The following PTPRT variants were observed in gnomAD, a reference collection of about 807,000 sequenced individuals.
PTPRT encodes the protein protein tyrosine phosphatase receptor type T.
In PTPRT, 56 loss-of-function variants were observed where a neutral mutation model predicts 176.8. That is an observed-to-expected ratio of 0.32 (90% CI 0.26 to 0.40). PTPRT has a LOEUF of 0.40. Ranked by LOEUF, PTPRT falls within the 10% of genes least tolerant of loss-of-function variation. The pLI is 1.00. For synonymous variants in PTPRT, 783 were observed against 739.0 expected (o/e 1.06, Z -0.96); for missense variants, 1,540 against 1,908.2 (o/e 0.81, Z 3.60).
chr20:42,649,895 C>A (rs780845930), intron 7 of PTPRT, among the ~76,000 whole-genome samples: 1 of 152,086 alleles, frequency 6.6e-6, no homozygotes, highest in Non-Finnish European at 1.5e-5. Context: ...GCTTACTTGC[C>A]TCAGGTCTAT....
At chr20:42,936,853 G>A (rs952621926) in intron 1 of PTPRT, among the ~76,000 whole-genome samples, 14 of 152,192 alleles carry the variant, frequency 9.2e-5, no homozygotes, top group African/African-American at 1.7e-4. Context: ...TTGAAGATTC[G>A]TTTAATTCTA....
chr20:43,061,172 A>G (rs1987447027), intron 1 of PTPRT, among the ~76,000 whole-genome samples: 1 of 152,068 alleles, frequency 6.6e-6, no homozygotes. Flanking sequence ...AGCATTCCAC[A>G]AGTATTTCTG....
At chr20:42,467,685 T>C (rs2071123080) in intron 8 of PTPRT, among the ~76,000 whole-genome samples, 1 of 152,218 alleles carries the variant, frequency 6.6e-6, no homozygotes. Flanking sequence ...ATTGTATGTA[T>C]TCATAAATAT....
chr20:43,011,511 G>A (rs1199424764), intron 1 of PTPRT, among the ~76,000 whole-genome samples: 1 of 152,176 alleles, frequency 6.6e-6, no homozygotes, highest in African/African-American at 2.4e-5. Flanking sequence ...GGAGATCGAT[G>A]CCTCAAGTGA....
intron 7 of PTPRT, among the ~76,000 whole-genome samples, chr20:42,596,754 A>G (rs1457809290): frequency 6.6e-6 from 1 of 152,250 alleles, no homozygotes; most frequent in Admixed American, 6.5e-5. Context: ...CCTTACTTCT[A>G]ATTGAGGGCC....
intron 7 of PTPRT, among the ~76,000 whole-genome samples, chr20:42,564,129 C>G (rs1348595846): frequency 6.6e-6 from 1 of 152,186 alleles, no homozygotes; most frequent in Non-Finnish European, 1.5e-5. Context: ...CAGGGTAACC[C>G]CTAACTGCAA....
rs149702651 is a variant in PTPRT, at chr20:42,107,414, C to T, written c.3255-493G>A. On this transcript the variant is annotated intron_variant, in intron 23 of 30. Coordinates refer to ENST00000373187, the MANE Select transcript of PTPRT (RefSeq NM_007050.6). ...CCACCTGCAGCTGTTTTCGCAGGAT[C>T]GTGAAGCAAGAGTGTCATGAAACTG... is the stretch of plus-strand genomic sequence containing the variant. 5.3e-5 allele frequency among the ~76,000 whole-genome samples: 8 copies of T among 152,284 alleles called. No homozygotes were observed. In the East Asian group the frequency reaches 1.2e-3, roughly 22 times the overall value.
At chr20:42,885,035 G>A (rs1374359143) in intron 2 of PTPRT, among the ~76,000 whole-genome samples, 1 of 151,712 alleles carries the variant, frequency 6.6e-6, no homozygotes, top group Admixed American at 6.6e-5. Flanking sequence ...CCCCATGCAG[G>A]TATCCATCAA....
chr20:42,308,286 C>T (rs994049335), intron 12 of PTPRT, among the ~76,000 whole-genome samples: 24 of 152,036 alleles, frequency 1.6e-4, no homozygotes, highest in Non-Finnish European at 2.9e-5. Context: ...CCACAAGAAC[C>T]AAGAATCCTC....
intron 1 of PTPRT, among the ~76,000 whole-genome samples, chr20:42,956,378 T>C (rs1379520839): frequency 6.6e-6 from 1 of 151,962 alleles, no homozygotes; most frequent in Non-Finnish European, 1.5e-5. Context: ...GTTTGAAAGT[T>C]TGTGGCACCT....
At chr20:42,775,467 T>C (rs1006006931) in intron 4 of PTPRT, among the ~76,000 whole-genome samples, 3 of 152,192 alleles carry the variant, frequency 2.0e-5, no homozygotes, top group Non-Finnish European at 4.4e-5. Flanking sequence ...CTGACATTTA[T>C]CTTACACAGT....
intron 7 of PTPRT, among the ~76,000 whole-genome samples, chr20:42,537,722 G>A (rs1017019567): frequency 6.6e-6 from 1 of 152,142 alleles, no homozygotes; most frequent in Non-Finnish European, 1.5e-5. Context: ...CAGGATAGAC[G>A]TGCTCCCTGT....
At chr20:43,186,342 C>A (rs895959293) in intron 1 of PTPRT, among the ~76,000 whole-genome samples, 2 of 152,202 alleles carry the variant, frequency 1.3e-5, no homozygotes, top group Non-Finnish European at 1.5e-5. Flanking sequence ...TCCCCTGCGC[C>A]CACCCTCGCC....
chr20:42,798,755 T>C (rs1244005272), intron 2 of PTPRT, among the ~76,000 whole-genome samples: 1 of 152,178 alleles, frequency 6.6e-6, no homozygotes, highest in African/African-American at 2.4e-5. Context: ...ACCGGTAAGT[T>C]GGGGTTTCAG....
At chr20:42,663,651 C>G (rs2075264814) in intron 7 of PTPRT, among the ~76,000 whole-genome samples, 3 of 152,158 alleles carry the variant, frequency 2.0e-5, no homozygotes, top group Non-Finnish European at 4.4e-5. Flanking sequence ...CACTGGTAAA[C>G]TGGCCCCAGC....
intron 2 of PTPRT, among the ~76,000 whole-genome samples, chr20:42,816,206 T>C (rs1600781097): frequency 6.6e-6 from 1 of 152,264 alleles, no homozygotes; most frequent in Non-Finnish European, 1.5e-5. Context: ...ATAAGAGAAG[T>C]TGATAGCTCA....
chr20:42,521,676 A>C (rs2145499110), intron 7 of PTPRT, among the ~76,000 whole-genome samples: 1 of 152,318 alleles, frequency 6.6e-6, no homozygotes, highest in South Asian at 2.1e-4. Flanking sequence ...TTAGAACAAT[A>C]TTATCTGATT....
chr20:43,021,810 G>A (rs75235133), intron 1 of PTPRT, among the ~76,000 whole-genome samples: 12 of 142,810 alleles, frequency 8.4e-5, no homozygotes, highest in Admixed American at 7.0e-5. Context: ...GGAGATACAG[G>A]AAAAAAAAAA....
chr20:42,267,133 A>G (rs76904550), intron 13 of PTPRT, among the ~76,000 whole-genome samples: 1,524 of 152,332 alleles, frequency 0.01, 25 homozygotes, highest in African/African-American at 0.035. Context: ...ACTACACTTT[A>G]AGTACCAGTG....
Sources: gnomAD v4.1 joint callset for allele counts (sites outside exome capture counted in the v4.1 genomes callset) on GRCh38, gnomAD v4.1.1 for gene constraint, MANE v1.5 for transcripts, NCBI Gene and HGNC (gene_info 2026-07-23, HGNC 2026-07-21) for gene names.